Variants in COBL observed in about 807,000 individuals in gnomAD.
The protein encoded by COBL is protein cordon-bleu.
In COBL, 51 loss-of-function variants were observed where a neutral mutation model predicts 98.8. That is an observed-to-expected ratio of 0.52 (90% CI 0.41 to 0.65). The LOEUF is 0.65. Among genes scored for constraint, COBL ranks in the 30% least tolerant of loss-of-function variants. The pLI, the probability that COBL is intolerant of heterozygous loss-of-function variation, is 0.00. For missense variants in COBL, 1,617 were observed against 1,617.5 expected, an observed-to-expected ratio of 1.00 and a Z score of 0.01; for synonymous variants, 634 against 651.7, an observed-to-expected ratio of 0.97 and a Z score of 0.41.
At chr7:51,221,228 G>A (rs934228884) in intron 1 of COBL, among the ~76,000 whole-genome samples, 3 of 152,178 alleles carry the variant, frequency 2.0e-5, no homozygotes, top group Non-Finnish European at 4.4e-5. Flanking sequence ...CAGAGAGGCA[G>A]TGAGAGCCTC....
At chr7:51,311,084 A>T (rs1437796173) in intron 1 of COBL, among the ~76,000 whole-genome samples, 1 of 152,194 alleles carries the variant, frequency 6.6e-6, no homozygotes, top group Non-Finnish European at 1.5e-5. Context: ...ATTTGTACAA[A>T]AGTATTTGTG....
intron 1 of COBL, among the ~76,000 whole-genome samples, chr7:51,246,717 T>C (rs1796298263): frequency 6.6e-6 from 1 of 152,262 alleles, no homozygotes; most frequent in Admixed American, 6.5e-5. Context: ...AATTCCATGA[T>C]GTCCTTGATT....
At chr7:51,060,832 GA>G (rs1268897586) in intron 7 of COBL, among the ~76,000 whole-genome samples, 1 of 152,060 alleles carries the variant, frequency 6.6e-6, no homozygotes, top group East Asian at 1.9e-4. Context: ...TCAGGCTTTT[GA>G]GTCAACAGGC....
intron 2 of COBL, among the ~76,000 whole-genome samples, chr7:51,204,429 C>T (rs549126072): frequency 1.4e-3 from 211 of 152,028 alleles, no homozygotes; most frequent in Non-Finnish European, 2.1e-3. Context: ...GAAATTATCC[C>T]GGGTTACAAG....
chr7:51,226,985 G>C (rs1250174004), intron 1 of COBL, among the ~76,000 whole-genome samples: 1 of 152,154 alleles, frequency 6.6e-6, no homozygotes, highest in East Asian at 1.9e-4. Context: ...GTCTTTCTGA[G>C]CCTAGGACAC....
intron 1 of COBL, among the ~76,000 whole-genome samples, chr7:51,258,740 A>C (rs898803346): frequency 2.6e-5 from 4 of 152,250 alleles, no homozygotes; most frequent in Non-Finnish European, 5.9e-5. Flanking sequence ...AAAAGAGTTA[A>C]GATTTCTTCA....
At chr7:51,179,710 A>G (rs1788749623) in intron 5 of COBL, among the ~76,000 whole-genome samples, 1 of 152,158 alleles carries the variant, frequency 6.6e-6, no homozygotes, top group African/African-American at 2.4e-5. Context: ...GAAGATCACA[A>G]AAAGCACTCT....
At chr7:51,238,699 C>CA (rs1795501512) in intron 1 of COBL, among the ~76,000 whole-genome samples, 1 of 152,146 alleles carries the variant, frequency 6.6e-6, no homozygotes, top group African/African-American at 2.4e-5. Context: ...AGGGTGTATC[C>CA]AGCAGCCTCC....
intron 4 of COBL, among the ~76,000 whole-genome samples, chr7:51,184,491 G>A (rs1789296820): frequency 1.3e-5 from 2 of 152,184 alleles, no homozygotes; most frequent in South Asian, 2.1e-4. Context: ...TTCTAGGGCA[G>A]AGCTGTCCAA....
intron 1 of COBL, among the ~76,000 whole-genome samples, chr7:51,255,325 C>T (rs1179547001): frequency 3.3e-5 from 5 of 152,190 alleles, no homozygotes; most frequent in African/African-American, 1.2e-4. Context: ...CATTGTGTGA[C>T]TCTTAAGATT....
intron 1 of COBL, among the ~76,000 whole-genome samples, chr7:51,305,576 A>T (rs959101558): frequency 1.3e-4 from 20 of 152,206 alleles, no homozygotes; most frequent in Non-Finnish European, 2.1e-4. Context: ...AAACATCATA[A>T]GGAGGATAAA....
intron 4 of COBL, chr7:51,188,085 G>A (rs1789720050): frequency 2.7e-6 from 2 of 735,202 alleles, no homozygotes; most frequent in Admixed American, 4.3e-5. Context: ...AAGGTCTCTT[G>A]CTGGGTCAGC....
intron 12 of COBL, among the ~76,000 whole-genome samples, chr7:51,018,061 G>A (rs887104319): frequency 3.3e-5 from 5 of 152,190 alleles, no homozygotes; most frequent in African/African-American, 1.2e-4. Flanking sequence ...TTAATGAGTG[G>A]ACTTGTGTCA....
At chr7:51,026,762 G>T (rs1787612328) in intron 10 of COBL, 97 bp from the exon 11 acceptor site, 1 of 1,434,762 alleles carries the variant, frequency 7.0e-7, no homozygotes. Flanking sequence ...GCCAGGCACG[G>T]TGGCTCATGC....
At chr7:51,073,295 C>T (rs1448780587) in intron 7 of COBL, 1 of 671,590 alleles carries the variant, frequency 1.5e-6, no homozygotes, top group Non-Finnish European at 2.7e-6. Context: ...AGAGCCAGGG[C>T]AGAAGAGACA....
chr7:51,209,308 C>T (rs955809852), intron 2 of COBL, among the ~76,000 whole-genome samples: 8 of 152,314 alleles, frequency 5.3e-5, no homozygotes, highest in African/African-American at 1.9e-4. Flanking sequence ...TATTTACCCT[C>T]ATCCACTCTC....
chr7:51,203,402 C>G (rs1791344292), intron 2 of COBL, among the ~76,000 whole-genome samples: 1 of 103,298 alleles, frequency 9.7e-6, no homozygotes, highest in Non-Finnish European at 1.8e-5. Flanking sequence ...GCGGAGCTTG[C>G]AGTGAGCCGA....
At chr7:51,296,386 G>C (rs1034841346) in intron 1 of COBL, among the ~76,000 whole-genome samples, 2 of 152,056 alleles carry the variant, frequency 1.3e-5, no homozygotes, top group Non-Finnish European at 1.5e-5. Flanking sequence ...TGTAAAGTTT[G>C]TCCTAACATG....
At chr7:51,298,192 T>C (rs1366057813) in intron 1 of COBL, among the ~76,000 whole-genome samples, 2 of 152,240 alleles carry the variant, frequency 1.3e-5, no homozygotes, top group Non-Finnish European at 2.9e-5. Flanking sequence ...TGAGGCATCC[T>C]GACAAAAGTT....
Sources: gnomAD v4.1 joint callset for allele counts (sites outside exome capture counted in the v4.1 genomes callset) on GRCh38, gnomAD v4.1.1 for gene constraint, MANE v1.5 for transcripts, NCBI Gene and HGNC (gene_info 2026-07-23, HGNC 2026-07-21) for gene names.